SLC25A26: variants seen among roughly 807,000 people sequenced by gnomAD.
The protein encoded by SLC25A26 is mitochondrial S-adenosylmethionine carrier protein.
SLC25A26 carries 36 observed loss-of-function variants against 37.8 expected under a neutral mutation model. The ratio of observed to expected loss-of-function variants is 0.95; its 90% CI spans 0.73 to 1.26. The LOEUF (loss-of-function observed/expected upper bound fraction) is 1.26. Ranked by LOEUF, SLC25A26 falls within the 50% of genes most tolerant of loss-of-function variation. The pLI, the probability that SLC25A26 is intolerant of heterozygous loss-of-function variation, is 0.00. For synonymous variants in SLC25A26, 129 were observed against 122.5 expected (o/e 1.05, Z -0.35); for missense variants, 390 against 331.1 (o/e 1.18, Z -1.38).
chr3:66,308,612 C>T (rs374048599), intron 5 of SLC25A26, among the ~76,000 whole-genome samples: 1 of 152,320 alleles, frequency 6.6e-6, no homozygotes, highest in South Asian at 2.1e-4. Context: ...AGCTTTTCCC[C>T]ATTGAGTATG....
chr3:66,151,213 C>A (rs2070203850), intron 1 of SLC25A26, among the ~76,000 whole-genome samples: 1 of 152,134 alleles, frequency 6.6e-6, no homozygotes, highest in Non-Finnish European at 1.5e-5. Flanking sequence ...GCACTCATAG[C>A]AAAGAAGGTA....
At chr3:66,177,776 G>A (rs150190406) in intron 1 of SLC25A26, among the ~76,000 whole-genome samples, 290 of 152,284 alleles carry the variant, frequency 1.9e-3, no homozygotes, top group Non-Finnish European at 3.4e-3. Flanking sequence ...ACACTTTACC[G>A]TAAATTTACT....
intron 6 of SLC25A26, among the ~76,000 whole-genome samples, chr3:66,357,090 C>T (rs1449905373): frequency 6.6e-6 from 1 of 152,184 alleles, no homozygotes; most frequent in Non-Finnish European, 1.5e-5. Context: ...CTTCTGTTCT[C>T]ATTACTTAAA....
intron 1 of SLC25A26, among the ~76,000 whole-genome samples, chr3:66,195,381 CGGTAGGGAGCCATCCGCAGCCCCG>C (rs2071028497): frequency 6.6e-6 from 1 of 152,230 alleles, no homozygotes; most frequent in African/African-American, 2.4e-5. Context: ...CAGGAACCCG[CGGTAGGGAGCCATCCGCAGCCCCG>C]GGAGTGCCTG....
At chr3:66,358,112 A>G (rs1450164148) in intron 6 of SLC25A26, among the ~76,000 whole-genome samples, 3 of 152,242 alleles carry the variant, frequency 2.0e-5, no homozygotes, top group South Asian at 4.1e-4. Context: ...TGTGAATGTC[A>G]TAATCAATAC....
intron 2 of SLC25A26, among the ~76,000 whole-genome samples, chr3:66,239,065 A>T (rs1359171830): frequency 6.6e-6 from 1 of 152,212 alleles, no homozygotes; most frequent in Non-Finnish European, 1.5e-5. Context: ...AGCAGTCTTT[A>T]ATAATCAGAA....
At chr3:66,187,217 G>C (rs925086814) in intron 1 of SLC25A26, among the ~76,000 whole-genome samples, 1,644 of 151,376 alleles carry the variant, frequency 0.011, 32 homozygotes, top group African/African-American at 0.038. Flanking sequence ...TTATCATGTC[G>C]CTGAACCTGA....
intron 1 of SLC25A26, among the ~76,000 whole-genome samples, chr3:66,147,057 C>T (rs2070125160): frequency 1.7e-5 from 1 of 58,702 alleles, no homozygotes; most frequent in Non-Finnish European, 3.4e-5. Flanking sequence ...CCCTTCCCTT[C>T]CCTTCCCTCC....
chr3:66,175,909 C>T (rs183247014), intron 1 of SLC25A26, among the ~76,000 whole-genome samples: 1 of 152,314 alleles, frequency 6.6e-6, no homozygotes, highest in Non-Finnish European at 1.5e-5. Flanking sequence ...ATCTGGGCAT[C>T]CATGGCCCTG....
At chr3:66,240,870 T>C (rs1371007457) in intron 2 of SLC25A26, among the ~76,000 whole-genome samples, 1 of 150,974 alleles carries the variant, frequency 6.6e-6, no homozygotes, top group Non-Finnish European at 1.5e-5. Flanking sequence ...CTCAGCCTCC[T>C]GAGTAGCTGG....
chr3:66,295,311 C>T (rs7622969), intron 5 of SLC25A26, among the ~76,000 whole-genome samples: 1,714 of 152,196 alleles, frequency 0.011, 39 homozygotes, highest in African/African-American at 0.039. Context: ...GCAAGCTCTG[C>T]CTCCCGGGTT....
chr3:66,135,069 G>T (rs1171907627), intron 1 of SLC25A26, among the ~76,000 whole-genome samples: 1 of 152,056 alleles, frequency 6.6e-6, no homozygotes, highest in Non-Finnish European at 1.5e-5. Flanking sequence ...GACCCCAGGT[G>T]ATCCAGCCAC....
At chr3:66,308,970 T>A (rs2075302889) in intron 5 of SLC25A26, among the ~76,000 whole-genome samples, 1 of 152,174 alleles carries the variant, frequency 6.6e-6, no homozygotes, top group Non-Finnish European at 1.5e-5. Context: ...CGTCCATGTT[T>A]ATCAGGGATC....
intron 1 of SLC25A26, among the ~76,000 whole-genome samples, chr3:66,158,077 G>C (rs2070308755): frequency 6.6e-6 from 1 of 152,200 alleles, no homozygotes; most frequent in Admixed American, 6.5e-5. Flanking sequence ...CTTGAATGTG[G>C]AAGGTGAGAG....
At chr3:66,271,184 A>G (rs1215899469) in intron 5 of SLC25A26, among the ~76,000 whole-genome samples, 1 of 152,194 alleles carries the variant, frequency 6.6e-6, no homozygotes, top group African/African-American at 2.4e-5. Context: ...CCCATGTGAA[A>G]TGTCATCTTT....
intron 5 of SLC25A26, among the ~76,000 whole-genome samples, chr3:66,302,178 T>C (rs2040912444): frequency 1.3e-5 from 2 of 152,328 alleles, no homozygotes; most frequent in East Asian, 1.9e-4. Context: ...CCTTCCTCCC[T>C]CTGAATTTGC....
chr3:66,276,379 A>AGAATTTT (rs1327083940), intron 5 of SLC25A26, among the ~76,000 whole-genome samples: 4 of 152,132 alleles, frequency 2.6e-5, no homozygotes, highest in African/African-American at 4.8e-5. Flanking sequence ...ATTCACTGAT[A>AGAATTTT]GAATTTTTCA....
At chr3:66,284,534 C>G (rs1423284143) in intron 5 of SLC25A26, among the ~76,000 whole-genome samples, 1 of 152,042 alleles carries the variant, frequency 6.6e-6, no homozygotes, top group South Asian at 2.1e-4. Flanking sequence ...ATATGCATAT[C>G]AATATTGTTT....
chr3:66,283,912 A>G (rs983218399), intron 5 of SLC25A26, among the ~76,000 whole-genome samples: 1 of 152,198 alleles, frequency 6.6e-6, no homozygotes, highest in Non-Finnish European at 1.5e-5. Context: ...TGTTTCGATA[A>G]TACTTTATAA....
Sources: allele counts gnomAD v4.1 joint callset (sites outside exome capture counted in the v4.1 genomes callset), GRCh38; gene constraint gnomAD v4.1.1; transcripts MANE v1.5; gene names NCBI Gene and HGNC (gene_info 2026-07-23, HGNC 2026-07-21).